CFAP57: variants seen among roughly 807,000 people sequenced by gnomAD.
CFAP57 encodes cilia and flagella associated protein 57.
CFAP57 carries 116 observed loss-of-function variants against 146.8 expected under a neutral mutation model. The ratio of observed to expected loss-of-function variants is 0.79; its 90% CI spans 0.68 to 0.92. CFAP57 has a LOEUF of 0.92. Among genes scored for constraint, CFAP57 ranks in the 40% least tolerant of loss-of-function variants. CFAP57 has a pLI of 0.00. For missense variants in CFAP57, 1,377 were observed against 1,527.2 expected (o/e 0.90, Z 1.64); for synonymous variants, 518 against 552.8 (o/e 0.94, Z 0.88).
chr1:43,222,063 T>G (rs1378200060), intron 14 of CFAP57, 42 bp from the exon 15 acceptor site: 1 of 1,500,900 alleles, frequency 6.7e-7, no homozygotes, highest in Non-Finnish European at 8.9e-7. Context: ...CTGAAGCAAG[T>G]GCTGCTCTCC....
At chr1:43,213,347 G>C (rs1644701067) in intron 11 of CFAP57, among the ~76,000 whole-genome samples, 2 of 152,266 alleles carry the variant, frequency 1.3e-5, no homozygotes, top group South Asian at 4.1e-4. Flanking sequence ...ACGACCTCCA[G>C]TTCCATCCAT....
chr1:43,221,974 T>G, intron 14 of CFAP57, 131 bp from the exon 15 acceptor site: 2 of 728,456 alleles, frequency 2.7e-6, no homozygotes, highest in East Asian at 6.4e-5. Context: ...TAGGCAGGCA[T>G]TTGAATCTTG....
At chr1:43,189,420 A>G (rs1643360575) in intron 6 of CFAP57, among the ~76,000 whole-genome samples, 1 of 152,228 alleles carries the variant, frequency 6.6e-6, no homozygotes, top group Non-Finnish European at 1.5e-5. Context: ...ATTTGTTTCA[A>G]GAACATTTTG....
At chr1:43,208,896 T>C (rs1205761414) in intron 10 of CFAP57, among the ~76,000 whole-genome samples, 1 of 152,096 alleles carries the variant, frequency 6.6e-6, no homozygotes, top group East Asian at 1.9e-4. Context: ...AGTACAGTAG[T>C]CCCACCTTAC....
At position 43,183,745 on chromosome 1, in the gene CFAP57, A is replaced by G; in HGVS notation, c.629A>G (p.Lys210Arg). 1.2e-6 allele frequency: 2 copies of G among 1,614,210 alleles called. No homozygotes were observed. Among genetic ancestry groups the G allele is most frequent in the Non-Finnish European group, 1.7e-6 (2 of 1,180,036 alleles). The change falls in exon 4 of 23, where the codon AAG becomes AGG. Residue 210 changes from lysine (K) to arginine (R), a missense_variant. Lys to Arg is a conservative substitution (Grantham distance 26, BLOSUM62 2). Coordinates refer to ENST00000372492, the MANE Select transcript of CFAP57 (RefSeq NM_001378189.1). ...GCTCACACCTGGGTGGCTGATGACA[A>G]GATTGTCGTTGGCACTGACACAGGC... ...YLAHTWVADD[K>R]IVVGTDTGKL...
chr1:43,179,094 T>C (rs1369775212), intron 2 of CFAP57, among the ~76,000 whole-genome samples: 2 of 151,870 alleles, frequency 1.3e-5, no homozygotes, highest in African/African-American at 4.8e-5. Context: ...ATGAGAACAC[T>C]TGGACACAGG....
intron 19 of CFAP57, 66 bp from the exon 20 acceptor site, chr1:43,234,213 C>T: frequency 1.4e-6 from 2 of 1,443,586 alleles, no homozygotes; most frequent in South Asian, 1.5e-5. Context: ...TTAACCTCTG[C>T]CTGCAGCCCC....
At position 43,185,227 on chromosome 1, in the gene CFAP57, G is replaced by A. The variant is rs769471878; in HGVS notation, c.840G>A (p.Met280Ile). The A allele has an allele frequency of 4.0e-5, 64 of 1,614,182 alleles. No individual in the cohort carries two copies. The Admixed American group carries it at 5.8e-4, about 15-fold the overall frequency. The change falls in exon 5 of 23, where the codon ATG (methionine) becomes ATA (isoleucine). Residue 280 changes from methionine to isoleucine, a missense_variant. Coordinates refer to ENST00000372492, the MANE Select transcript of CFAP57 (RefSeq NM_001378189.1). Reference sequence around the variant, plus strand: ...TGGCGGCCAGTAGCCATAGCCAGATGTCCATGCCCCAGGTGTTTGCCATTG... The same window carrying A: ...TGGCGGCCAGTAGCCATAGCCAGATATCCATGCCCCAGGTGTTTGCCATTG... ...QMVAASSHSQ[M>I]SMPQVFAIAA...
At chr1:43,181,363 C>T (rs1377529412) in intron 2 of CFAP57, among the ~76,000 whole-genome samples, 171 bp from the exon 3 acceptor site, 2 of 152,202 alleles carry the variant, frequency 1.3e-5, no homozygotes, top group African/African-American at 4.8e-5. Context: ...TGAGCCACCA[C>T]ACCTGGCCCC....
Position 43,222,129 on chromosome 1 carries a change from T to C in CFAP57, c.2366T>C (p.Leu789Pro). The C allele has an allele frequency of 6.5e-7, 1 of 1,547,790 alleles. No individual in the cohort carries two copies. Among genetic ancestry groups the C allele is most frequent in the Non-Finnish European group, 8.7e-7 (1 of 1,145,520 alleles). ...GAATGTTGCAACAACCAAAAGTTGCTTCTAGAATATGAGAAGTACCAGGAG... is the reference window on the plus strand; with the variant it reads ...GAATGTTGCAACAACCAAAAGTTGCCTCTAGAATATGAGAAGTACCAGGAG... ...DMECCNNQKL[L>P]LEYEKYQELQ... The change falls in exon 15 of 23, where the codon CTT becomes CCT. Residue 789 changes from leucine to proline, a missense_variant. Transcript: ENST00000372492.
chr1:43,203,706 G>T (rs1479037125), intron 9 of CFAP57, among the ~76,000 whole-genome samples: 1 of 152,068 alleles, frequency 6.6e-6, no homozygotes, highest in Non-Finnish European at 1.5e-5. Flanking sequence ...TGATCCACCT[G>T]CCTTGGCCTC....
chr1:43,252,078 C>G (rs1349727133), intron 22 of CFAP57, among the ~76,000 whole-genome samples: 1 of 152,128 alleles, frequency 6.6e-6, no homozygotes, highest in Non-Finnish European at 1.5e-5. Flanking sequence ...ATTAGGAAAA[C>G]TTTGCTTTCC....
intron 11 of CFAP57, 46 bp from the exon 12 acceptor site, chr1:43,215,209 T>C: frequency 6.5e-7 from 1 of 1,549,798 alleles, no homozygotes; most frequent in Admixed American, 2.0e-5. Context: ...GCCCTGGTCA[T>C]CTGTGGCCTT....
rs1233555775 is a variant in CFAP57 at position 43,183,867 on chromosome 1, G to T, written c.751G>T (p.Glu251Ter). The change falls in exon 4 of 23, where the codon GAA becomes TAA. Residue 251 changes from glutamate (E) to a stop codon, truncating the protein, a stop_gained. Coordinates refer to ENST00000372492, the MANE Select transcript of CFAP57 (RefSeq NM_001378189.1). LOFTEE classifies it high-confidence loss of function. ...NGSKSLDVIQ[E>*]SESLIEFPPV... ...CTCAAAGAGCCTGGATGTCATTCAG[G>T]AATCAGAGAGGTAATGGTGCTTCCT... 1.9e-6 allele frequency: 3 copies of T among 1,613,876 alleles called. No homozygotes were observed. Among genetic ancestry groups the T allele is most frequent in the South Asian group, 1.1e-5 (1 of 91,034 alleles).
chr1:43,210,133 A>T lies in CFAP57; in HGVS notation c.1929+217A>T, dbSNP rs778843963. 3 of 1,605,980 alleles carry T rather than the reference A, an allele frequency of 1.9e-6. No homozygotes were observed. The South Asian group carries it at 3.3e-5, about 18-fold the overall frequency. Reference sequence around the variant, plus strand: ...GGAAATCATCAGAGATACACCTAAAAATGTATGTACAACGTTTTCACCATA... The same window carrying T: ...GGAAATCATCAGAGATACACCTAAATATGTATGTACAACGTTTTCACCATA... On this transcript the variant is annotated intron_variant, in intron 11 of 22. Transcript: ENST00000372492.
intron 10 of CFAP57, among the ~76,000 whole-genome samples, chr1:43,209,422 G>A (rs759623838): frequency 3.9e-5 from 6 of 152,196 alleles, no homozygotes; most frequent in South Asian, 4.1e-4. Context: ...AGAGGGTTTC[G>A]TGAGGATTGA....
chr1:43,232,000 C>A, intron 18 of CFAP57: 1 of 658,858 alleles, frequency 1.5e-6, no homozygotes, highest in South Asian at 1.7e-5. Flanking sequence ...TCAGCTTCCC[C>A]TTTCCTGTTT....
chr1:43,200,978 G>T (rs1644097309), intron 9 of CFAP57, among the ~76,000 whole-genome samples: 1 of 152,230 alleles, frequency 6.6e-6, no homozygotes, highest in African/African-American at 2.4e-5. Flanking sequence ...GAAGGTGAAA[G>T]CTGGGTTAGG....
chr1:43,203,642 G>A (rs1297968673), intron 9 of CFAP57, among the ~76,000 whole-genome samples: 1 of 152,064 alleles, frequency 6.6e-6, no homozygotes, highest in African/African-American at 2.4e-5. Context: ...TGTATTTTTA[G>A]TAGAGACAGG....
Sources: gnomAD v4.1 joint callset for allele counts (sites outside exome capture counted in the v4.1 genomes callset) on GRCh38, gnomAD v4.1.1 for gene constraint, MANE v1.5 for transcripts, NCBI Gene and HGNC (gene_info 2026-07-23, HGNC 2026-07-21) for gene names.